DAP: variants seen among roughly 807,000 people sequenced by gnomAD.
DAP encodes the protein death-associated protein 1.
DAP carries 8 observed loss-of-function variants against 13.8 expected under a neutral mutation model. That is an observed-to-expected ratio of 0.58 (90% CI 0.34 to 1.05). The LOEUF is 1.05. DAP is among the 50% of genes least tolerant of loss of function. The pLI is 0.03. For synonymous variants in DAP, 47 were observed against 47.5 expected (o/e 0.99, Z 0.04); for missense variants, 106 against 133.2 (o/e 0.80, Z 1.01).
intron 1 of DAP, among the ~76,000 whole-genome samples, chr5:10,752,654 GTGCA>G (rs1329915253): frequency 9.2e-5 from 14 of 152,196 alleles, no homozygotes; most frequent in African/African-American, 2.9e-4. Context: ...GTGTGTGTGT[GTGCA>G]TGTGCCTGTG....
chr5:10,716,601 C>A (rs982557734), intron 2 of DAP, among the ~76,000 whole-genome samples: 2 of 152,140 alleles, frequency 1.3e-5, no homozygotes, highest in African/African-American at 4.8e-5. Context: ...AGCCTAGCCT[C>A]CCAGCCTACA....
intron 1 of DAP, among the ~76,000 whole-genome samples, chr5:10,758,626 T>G (rs987771271): frequency 5.3e-5 from 8 of 152,114 alleles, no homozygotes; most frequent in African/African-American, 9.7e-5. Flanking sequence ...GACGTGAGAC[T>G]CACTGCAGCA....
chr5:10,722,558 GCATATATATACATACATA>G (rs1179740222), intron 2 of DAP, among the ~76,000 whole-genome samples: 39 of 136,652 alleles, frequency 2.9e-4, no homozygotes, highest in South Asian at 2.2e-3. Context: ...ACATATACAT[GCATATATATACATACATA>G]CATATATATA....
intron 2 of DAP, among the ~76,000 whole-genome samples, chr5:10,698,282 C>CAAAAAAAAAA (rs71613386): frequency 6.8e-4 from 29 of 42,830 alleles, no homozygotes; most frequent in Admixed American, 1.3e-3. Context: ...CCAGACTTAG[C>CAAAAAAAAAA]AAAAAAAAAA....
chr5:10,711,104 C>T (rs771956572), intron 2 of DAP, among the ~76,000 whole-genome samples: 4 of 152,090 alleles, frequency 2.6e-5, no homozygotes, highest in African/African-American at 4.8e-5. Flanking sequence ...AAGTTGTCAA[C>T]GTGAAATAAA....
intron 2 of DAP, among the ~76,000 whole-genome samples, chr5:10,734,622 G>C (rs182776686): frequency 6.6e-6 from 1 of 152,118 alleles, no homozygotes; most frequent in Non-Finnish European, 1.5e-5. Flanking sequence ...TGTGTTCCTA[G>C]GGCGACTCTG....
chr5:10,683,580 AAAG>A lies in DAP; in HGVS notation c.153-12_153-10del, dbSNP rs769122301. On this transcript the variant is annotated splice_polypyrimidine_tract_variant and intron_variant, in intron 2 of 3. Coordinates refer to ENST00000230895, the MANE Select transcript of DAP (RefSeq NM_004394.3). ...CAGTGGGTTTAGGTGGACTGGAAAA[AAAG>A]AAGGGAAAAGGCAGATTTAACAAAA... The A allele has an allele frequency of 2.5e-6, 4 of 1,613,696 alleles. No homozygotes were observed. The highest frequency in any genetic ancestry group is 3.4e-6 in the Non-Finnish European group (4 of 1,179,670).
At chr5:10,732,177 T>C (rs413846) in intron 2 of DAP, among the ~76,000 whole-genome samples, 141,640 of 152,328 alleles carry the variant, frequency 0.93, 66,162 homozygotes, top group Non-Finnish European at 0.97. Flanking sequence ...GGACTTCCTT[T>C]TTATTGAGGT....
intron 1 of DAP, among the ~76,000 whole-genome samples, chr5:10,759,631 A>G (rs1740286933): frequency 6.6e-6 from 1 of 152,192 alleles, no homozygotes; most frequent in Non-Finnish European, 1.5e-5. Flanking sequence ...CACCACTGAA[A>G]AATATTGCCT....
intron 2 of DAP, among the ~76,000 whole-genome samples, chr5:10,722,782 T>C (rs147873534): frequency 2.0e-5 from 3 of 152,124 alleles, no homozygotes; most frequent in Non-Finnish European, 4.4e-5. Context: ...CACCCACCAA[T>C]AGCAACGCCC....
chr5:10,739,475 T>G (rs1395218496), intron 2 of DAP, among the ~76,000 whole-genome samples: 1 of 152,076 alleles, frequency 6.6e-6, no homozygotes, highest in African/African-American at 2.4e-5. Context: ...TATAATCACA[T>G]GAGGCAAATA....
intron 2 of DAP, among the ~76,000 whole-genome samples, chr5:10,720,108 G>A (rs377285108): frequency 3.3e-5 from 5 of 152,140 alleles, no homozygotes; most frequent in Admixed American, 1.3e-4. Flanking sequence ...CATTCCAAGC[G>A]GTCTGATTCA....
intron 2 of DAP, among the ~76,000 whole-genome samples, chr5:10,715,809 G>C (rs969515353): frequency 4.6e-5 from 7 of 152,198 alleles, no homozygotes; most frequent in African/African-American, 1.2e-4. Flanking sequence ...ACTCACCATG[G>C]AATTCCAACA....
At chr5:10,711,721 C>G (rs1158066294) in intron 2 of DAP, among the ~76,000 whole-genome samples, 1 of 152,224 alleles carries the variant, frequency 6.6e-6, no homozygotes, top group African/African-American at 2.4e-5. Flanking sequence ...CTTTCTCACA[C>G]AGTGCTCTGA....
chr5:10,687,901 T>C (rs1028519633), intron 2 of DAP, among the ~76,000 whole-genome samples: 10 of 144,976 alleles, frequency 6.9e-5, no homozygotes, highest in African/African-American at 2.7e-4. Flanking sequence ...AACTTCATTG[T>C]TGTCTTTTTT....
intron 3 of DAP, among the ~76,000 whole-genome samples, chr5:10,682,268 G>A (rs192470570): frequency 2.0e-5 from 3 of 151,688 alleles, no homozygotes; most frequent in Non-Finnish European, 2.9e-5. Context: ...CTCCCTGCAG[G>A]AAGCATGGGG....
intron 2 of DAP, among the ~76,000 whole-genome samples, chr5:10,732,658 T>C (rs55805623): frequency 0.091 from 13,900 of 152,246 alleles, 889 homozygotes; most frequent in African/African-American, 0.18. Flanking sequence ...GCTTGAGCAC[T>C]TGTTTTCAGT....
At chr5:10,705,795 T>C (rs1738683679) in intron 2 of DAP, among the ~76,000 whole-genome samples, 1 of 152,202 alleles carries the variant, frequency 6.6e-6, no homozygotes, top group Non-Finnish European at 1.5e-5. Context: ...TTGATATACC[T>C]ATGTGTTGAA....
chr5:10,742,458 C>T (rs1186884836), intron 2 of DAP, among the ~76,000 whole-genome samples: 1 of 152,138 alleles, frequency 6.6e-6, no homozygotes, highest in Non-Finnish European at 1.5e-5. Context: ...AACCGGAAGA[C>T]AGAGGTTGCA....
Sources: gnomAD v4.1 joint callset for allele counts (sites outside exome capture counted in the v4.1 genomes callset) on GRCh38, gnomAD v4.1.1 for gene constraint, MANE v1.5 for transcripts, NCBI Gene and HGNC (gene_info 2026-07-23, HGNC 2026-07-21) for gene names.